ROBO1: variants seen among roughly 807,000 people sequenced by gnomAD.
ROBO1 encodes roundabout guidance receptor 1, also known as roundabout homolog 1.
ROBO1 carries 149 observed loss-of-function variants against 195.9 expected under a neutral mutation model. That is an observed-to-expected ratio of 0.76 (90% confidence interval 0.67 to 0.87). ROBO1 has a LOEUF of 0.87. Among genes scored for constraint, ROBO1 ranks in the 40% least tolerant of loss-of-function variants. The pLI is 0.00. For missense variants in ROBO1, 1,933 were observed against 2,068.3 expected, an observed-to-expected ratio of 0.93 and a Z score of 1.27; for synonymous variants, 816 against 733.2, an observed-to-expected ratio of 1.11 and a Z score of -1.82.
rs2081062231 is a variant in ROBO1, at chr3:78,686,801, T to C, written c.1171-884A>G. Among the ~76,000 whole-genome samples the C allele has an allele frequency of 3.3e-5, 5 of 152,284 alleles. No homozygotes were observed. The South Asian group carries it at 1.0e-3, about 32-fold the overall frequency. ...AAAAGTTCCATAACCTATGCCAAACTTTTAACACATATCTTGTTTCTCTTG... is the reference window on the plus strand; with the variant it reads ...AAAAGTTCCATAACCTATGCCAAACCTTTAACACATATCTTGTTTCTCTTG... On this transcript the variant is annotated intron_variant, in intron 9 of 30. Transcript: ENST00000464233.
rs937876225 is a variant in ROBO1, at chr3:79,623,898, A to G, written c.-50-33937T>C. 3.9e-5 allele frequency among the ~76,000 whole-genome samples: 6 copies of G among 152,220 alleles called. 1 individual carries two copies. The highest frequency in any genetic ancestry group is 6.8e-3 in the Middle Eastern group (2 of 294). ...TCAACCCCAAGACGCATAATCATCAAATTCTCCAAGGTCAAAATGAAGGAA... is the reference window on the plus strand; with the variant it reads ...TCAACCCCAAGACGCATAATCATCAGATTCTCCAAGGTCAAAATGAAGGAA... On this transcript the variant is annotated intron_variant, in intron 1 of 30. Coordinates refer to ENST00000464233, the MANE Select transcript of ROBO1 (RefSeq NM_002941.4).
At chr3:78,668,783 TAATAAGA>T (rs1264589544) in intron 11 of ROBO1, among the ~76,000 whole-genome samples, 1 of 152,092 alleles carries the variant, frequency 6.6e-6, no homozygotes, top group Admixed American at 6.5e-5. Flanking sequence ...TCTAATGGTA[TAATAAGA>T]AATATTTAAT....
chr3:78,705,738 G>A (rs920849036), intron 8 of ROBO1, among the ~76,000 whole-genome samples: 8 of 152,150 alleles, frequency 5.3e-5, no homozygotes, highest in South Asian at 2.1e-4. Flanking sequence ...CATCCAATCC[G>A]TTGAGGGTCC....
intron 3 of ROBO1, among the ~76,000 whole-genome samples, chr3:78,979,500 G>C (rs1207471312): frequency 6.6e-6 from 1 of 152,180 alleles, no homozygotes; most frequent in African/African-American, 2.4e-5. Context: ...CAGCAATGTA[G>C]ATAAAATTCT....
In ROBO1 at chr3:78,758,525, C is replaced by CAA. The variant is rs5850391; in HGVS notation, c.500-11627_500-11626dup. ...TGGGTGACAGAGTGAGACCCTATCT[C>CAA]AAAAAAAAAAAAAAAAAAAAAAAAT... On this transcript the variant is annotated intron_variant, in intron 4 of 30. Coordinates refer to ENST00000464233, the MANE Select transcript of ROBO1 (RefSeq NM_002941.4). Among the ~76,000 whole-genome samples the CAA allele has an allele frequency of 7.8e-3, 664 of 85,140 alleles. 15 individuals are homozygous for CAA. Among genetic ancestry groups the CAA allele is most frequent in the African/African-American group, 0.022 (477 of 21,392 alleles). The allele number at this position is 85,140 out of a possible 152,430, so 55.9% of individuals were successfully genotyped here.
chr3:79,128,755 C>T (rs190828012), intron 2 of ROBO1, among the ~76,000 whole-genome samples: 27 of 152,212 alleles, frequency 1.8e-4, no homozygotes, highest in Admixed American at 1.6e-3. Context: ...GCCATTGGAC[C>T]TTCACTGCTT....
chr3:79,344,659 T>C (rs1400936343), intron 2 of ROBO1, among the ~76,000 whole-genome samples: 1 of 152,054 alleles, frequency 6.6e-6, no homozygotes, highest in East Asian at 1.9e-4. Flanking sequence ...TAATGAATGC[T>C]TTTGTTAGGA....
At chr3:79,303,219 C>T (rs372204661) in intron 2 of ROBO1, among the ~76,000 whole-genome samples, 7 of 134,374 alleles carry the variant, frequency 5.2e-5, no homozygotes, top group South Asian at 2.3e-4. Context: ...CAGGCTGGAG[C>T]GCAGTGGCGC....
rs149190770 is a variant in ROBO1 at position 78,918,419 on chromosome 3, A to G, written c.499+20182T>C. Among the ~76,000 whole-genome samples, 626 of 152,244 alleles carry G rather than the reference A, an allele frequency of 4.1e-3. 4 individuals are homozygous for G. Among genetic ancestry groups the G allele is most frequent in the African/African-American group, 0.015 (604 of 41,540 alleles). Reference sequence around the variant, plus strand: ...AGAGAGCGGCTTGGAAAAGTTATTAACCCAGGAAAGATTCTAACATGGTAT... The same window carrying G: ...AGAGAGCGGCTTGGAAAAGTTATTAGCCCAGGAAAGATTCTAACATGGTAT... On this transcript the variant is annotated intron_variant, in intron 4 of 30. Transcript: ENST00000464233.
At chr3:79,634,544 GA>G (rs1338793723) in intron 1 of ROBO1, among the ~76,000 whole-genome samples, 1 of 152,064 alleles carries the variant, frequency 6.6e-6, no homozygotes, top group Non-Finnish European at 1.5e-5. Flanking sequence ...GATTGCTAAA[GA>G]ATTAATATCT....
intron 4 of ROBO1, among the ~76,000 whole-genome samples, chr3:78,810,082 A>G (rs2084687500): frequency 6.6e-6 from 1 of 152,182 alleles, no homozygotes; most frequent in African/African-American, 2.4e-5. Flanking sequence ...GAGATGCAAG[A>G]AAATTTGGAC....
intron 1 of ROBO1, among the ~76,000 whole-genome samples, chr3:79,758,082 C>T (rs1014847192): frequency 1.3e-5 from 2 of 152,176 alleles, no homozygotes; most frequent in East Asian, 1.9e-4. Flanking sequence ...TCTGTGGCAG[C>T]TATCCACTGA....
chr3:79,135,644 T>G (rs776130428), intron 2 of ROBO1, among the ~76,000 whole-genome samples: 1 of 152,004 alleles, frequency 6.6e-6, no homozygotes, highest in Admixed American at 6.6e-5. Flanking sequence ...AATCTTCTTT[T>G]TTTTTTTTTT....
At chr3:79,486,736 C>T (rs1428290136) in intron 2 of ROBO1, among the ~76,000 whole-genome samples, 1 of 152,022 alleles carries the variant, frequency 6.6e-6, no homozygotes, top group East Asian at 1.9e-4. Context: ...ATATGCCACC[C>T]CAAAATATGC....
intron 3 of ROBO1, among the ~76,000 whole-genome samples, chr3:79,025,188 G>A (rs1160842509): frequency 2.0e-5 from 3 of 152,144 alleles, no homozygotes; most frequent in East Asian, 1.9e-4. Context: ...TGTGCTCTAC[G>A]TGGAGTACTC....
intron 2 of ROBO1, among the ~76,000 whole-genome samples, chr3:79,339,641 A>C (rs2034826198): frequency 6.6e-6 from 1 of 152,116 alleles, no homozygotes; most frequent in Non-Finnish European, 1.5e-5. Context: ...CTTAGCACTC[A>C]TCAACATCTG....
chr3:78,950,066 C>A (rs1363439904), intron 3 of ROBO1, among the ~76,000 whole-genome samples: 1 of 152,144 alleles, frequency 6.6e-6, no homozygotes, highest in South Asian at 2.1e-4. Context: ...GTTGGTGGGA[C>A]TGTAAACTAG....
chr3:79,056,499 C>G (rs145686771), intron 3 of ROBO1, among the ~76,000 whole-genome samples: 1 of 152,082 alleles, frequency 6.6e-6, no homozygotes, highest in African/African-American at 2.4e-5. Flanking sequence ...CGATAAACAA[C>G]GTATTCAACC....
At chr3:79,325,073 C>A (rs1260663560) in intron 2 of ROBO1, among the ~76,000 whole-genome samples, 3 of 151,990 alleles carry the variant, frequency 2.0e-5, no homozygotes, top group East Asian at 1.9e-4. Flanking sequence ...TCCCTCAGAG[C>A]GCATATGTGA....
Sources: allele counts gnomAD v4.1 joint callset (sites outside exome capture counted in the v4.1 genomes callset), GRCh38; gene constraint gnomAD v4.1.1; transcripts MANE v1.5; gene names NCBI Gene and HGNC (gene_info 2026-07-23, HGNC 2026-07-21).